Variants in DST observed in about 807,000 individuals in gnomAD.
The protein encoded by DST is dystonin, also known as bullous pemphigoid antigen.
In DST, 253 loss-of-function variants were observed where a neutral mutation model predicts 875.2. The observed-to-expected ratio is 0.29, with a 90% CI of 0.26 to 0.32. The LOEUF is 0.32. DST is among the 10% of genes least tolerant of loss of function. The pLI, the probability that DST is intolerant of heterozygous loss-of-function variation, is 1.00. For missense variants in DST, 8,287 were observed against 9,111.6 expected, an observed-to-expected ratio of 0.91 and a Z score of 3.68; for synonymous variants, 3,124 against 3,197.1, an observed-to-expected ratio of 0.98 and a Z score of 0.77.
rs962169183 is a variant in DST at position 56,459,215 on chromosome 6, G to A, written c.23247C>T (p.Gly7749=). The stretch of plus-strand genomic sequence containing the variant: ...TGCCTCGGCGGCTGCTGGCCCTGCT[G>A]CCAGCTTTGCTTCCAGCTCGACTTC... The part of the protein sequence containing the change: ...RPGSRAGSKA[G]SRASSRRGSD... Residue 7749 remains glycine, a synonymous_variant, in exon 104 of 104, where the codon GGC becomes GGT. Transcript: ENST00000680361. 6 of 1,613,326 alleles carry A rather than the reference G, an allele frequency of 3.7e-6. No individual in the cohort carries two copies. The Middle Eastern group carries it at 4.9e-4, about 133-fold the overall frequency.
In DST at chr6:56,460,195, G is replaced by A; in HGVS notation, c.23130C>T (p.Phe7710=). Residue 7710 remains phenylalanine, a synonymous_variant, in exon 103 of 104, where the codon TTC becomes TTT. Coordinates refer to ENST00000680361, the MANE Select transcript of DST (RefSeq NM_001374736.1). ...RLPGYLSGKG[F]HSGEDSGLIT... is the part of the protein sequence containing the mutation. The stretch of plus-strand genomic sequence containing the variant: ...TCAAGCCACTGTCCTCCCCAGAGTG[G>A]AAGCCTTTCCCTGATAAATATCCTG... 1 of 1,613,970 alleles carries A rather than the reference G, an allele frequency of 6.2e-7. No homozygotes were observed. Among genetic ancestry groups the A allele is most frequent in the South Asian group, 1.1e-5 (1 of 91,068 alleles).
intron 36 of DST, chr6:56,616,060 A>C: frequency 6.2e-7 from 1 of 1,614,140 alleles, no homozygotes. Flanking sequence ...GATCAACCAA[A>C]TTTCTACGGG....
At chr6:56,762,618 T>A (rs962046569) in intron 4 of DST, among the ~76,000 whole-genome samples, 1 of 152,198 alleles carries the variant, frequency 6.6e-6, no homozygotes, top group South Asian at 2.1e-4. Flanking sequence ...TCTTTCACTA[T>A]CACAGTTTCA....
At chr6:56,679,247 A>G (rs2099145405) in intron 9 of DST, among the ~76,000 whole-genome samples, 1 of 151,596 alleles carries the variant, frequency 6.6e-6, no homozygotes, top group Admixed American at 6.6e-5. Flanking sequence ...CTCTGCAACC[A>G]CTCCACCACC....
chr6:56,531,734 A>G (rs1471598623), intron 64 of DST, among the ~76,000 whole-genome samples: 4 of 152,172 alleles, frequency 2.6e-5, no homozygotes, highest in Non-Finnish European at 5.9e-5. Context: ...AGATACTGAA[A>G]TATGGGTTGG....
Position 56,583,343 on chromosome 6 carries a change from C to A in DST, c.12904-4406G>T, listed in dbSNP as rs1339128212. ...GTTTTGATTTGCATTTCTCTGATGG[C>A]CAGTGATGATGAGCGTTTTTTCATG... On this transcript the variant is annotated intron_variant, in intron 49 of 103. Coordinates refer to ENST00000680361, the MANE Select transcript of DST (RefSeq NM_001374736.1). Among the ~76,000 whole-genome samples the A allele has an allele frequency of 2.6e-5, 4 of 152,278 alleles. No individual in the cohort carries two copies. In the East Asian group the frequency reaches 7.7e-4, roughly 29 times the overall value.
At chr6:56,538,505 G>A (rs2097059410) in intron 61 of DST, among the ~76,000 whole-genome samples, 1 of 151,998 alleles carries the variant, frequency 6.6e-6, no homozygotes, top group African/African-American at 2.4e-5. Context: ...AGCACTTCAG[G>A]AAAAAAATTG....
chr6:56,704,901 G>A (rs1427519603), intron 5 of DST, among the ~76,000 whole-genome samples: 2 of 152,182 alleles, frequency 1.3e-5, no homozygotes, highest in Admixed American at 6.5e-5. Context: ...TTTGAAATCC[G>A]TATGTGTCAG....
intron 4 of DST, among the ~76,000 whole-genome samples, chr6:56,750,457 A>T (rs1201541971): frequency 6.6e-5 from 10 of 152,188 alleles, no homozygotes; most frequent in Non-Finnish European, 1.3e-4. Flanking sequence ...CTCCTTACAG[A>T]CATTTTAAAA....
Position 56,608,087 on chromosome 6 carries a change from C to T in DST, c.6541G>A (p.Asp2181Asn), listed in dbSNP as rs779294840. Residue 2181 changes from aspartate to asparagine, a missense_variant, in exon 40 of 104, where the codon GAT (aspartate) becomes AAT (asparagine). Transcript: ENST00000680361. Reference protein sequence around the residue: ...STVHDYRQEEDVFDGEEPVTT... With the variant: ...STVHDYRQEENVFDGEEPVTT... ...ACAGGTTCTTCTCCATCAAAAACAT[C>T]CTCTTCTTGTCTGTAATCATGAACT... is the stretch of plus-strand genomic sequence containing the variant. 1.2e-6 allele frequency: 2 copies of T among 1,613,646 alleles called. No individual in the cohort carries two copies. Among genetic ancestry groups the T allele is most frequent in the Non-Finnish European group, 1.7e-6 (2 of 1,179,752 alleles).
At chr6:56,654,182 T>C (rs1285467960) in intron 10 of DST, among the ~76,000 whole-genome samples, 1 of 152,016 alleles carries the variant, frequency 6.6e-6, no homozygotes, top group East Asian at 1.9e-4. Flanking sequence ...AGTCTTTTTA[T>C]GGAAAAAAAG....
At chr6:56,572,341 G>T in intron 52 of DST, 75 bp from the exon 53 acceptor site, 3 of 1,041,106 alleles carry the variant, frequency 2.9e-6, no homozygotes, top group Non-Finnish European at 4.0e-6. Context: ...AGAGGTCTGT[G>T]CGGGATCAGA....
rs377531111 is a variant in DST at position 56,473,837 on chromosome 6, T to C, written c.21994+36A>G. On this transcript the variant is annotated intron_variant, in intron 93 of 103. Coordinates refer to ENST00000680361, the MANE Select transcript of DST (RefSeq NM_001374736.1). ...AAATAAAAGAAAATTAGCTCCCTTATTTATTGACATTTTAAAGAAATTGAT... is the reference window on the plus strand; with the variant it reads ...AAATAAAAGAAAATTAGCTCCCTTACTTATTGACATTTTAAAGAAATTGAT... 52 of 1,564,632 alleles carry C rather than the reference T, an allele frequency of 3.3e-5. No homozygotes were observed. In the African/African-American group the frequency reaches 6.9e-4, roughly 21 times the overall value.
At chr6:56,477,550 G>T (rs1266919944) in intron 90 of DST, 62 bp from the exon 91 acceptor site, 1 of 1,595,474 alleles carries the variant, frequency 6.3e-7, no homozygotes, top group Non-Finnish European at 8.6e-7. Context: ...AACTCTGGTG[G>T]CATTTGTTTG....
chr6:56,827,727 A>G lies in DST; in HGVS notation c.625+23670T>C, dbSNP rs17831207. On this transcript the variant is annotated intron_variant, in intron 4 of 103. Coordinates refer to ENST00000680361, the MANE Select transcript of DST (RefSeq NM_001374736.1). Reference sequence around the variant, plus strand: ...TTTACCTGCTGTTAGCATAGAGGGAACTGAGGACACCAGGACAGCCAGAAG... The same window carrying G: ...TTTACCTGCTGTTAGCATAGAGGGAGCTGAGGACACCAGGACAGCCAGAAG... Among the ~76,000 whole-genome samples the G allele has an allele frequency of 8.3e-3, 1,267 of 152,220 alleles. 26 individuals are homozygous for G. Among genetic ancestry groups the G allele is most frequent in the East Asian group, 0.022 (112 of 5,168 alleles).
intron 10 of DST, among the ~76,000 whole-genome samples, chr6:56,654,843 T>C (rs765850894): frequency 2.0e-5 from 3 of 152,022 alleles, no homozygotes; most frequent in Non-Finnish European, 2.9e-5. Context: ...TGCAGGAACA[T>C]ATGACTTCTA....
intron 4 of DST, among the ~76,000 whole-genome samples, chr6:56,839,601 G>A (rs1328629058): frequency 2.0e-5 from 3 of 152,112 alleles, no homozygotes; most frequent in Non-Finnish European, 4.4e-5. Flanking sequence ...ATTACATGCT[G>A]CAGAGAAATT....
At chr6:56,635,782 C>T in intron 23 of DST, 68 bp from the exon 24 acceptor site, 1 of 1,554,714 alleles carries the variant, frequency 6.4e-7, no homozygotes, top group Middle Eastern at 1.7e-4. Context: ...TTGTCACACT[C>T]CAATACCAAG....
At chr6:56,875,201 G>A (rs879390508) in intron 3 of DST, among the ~76,000 whole-genome samples, 7 of 151,952 alleles carry the variant, frequency 4.6e-5, no homozygotes, top group Non-Finnish European at 8.8e-5. Context: ...AGCCAGGATG[G>A]TCTCGATCTC....
Sources: allele counts gnomAD v4.1 joint callset (sites outside exome capture counted in the v4.1 genomes callset), GRCh38; gene constraint gnomAD v4.1.1; transcripts MANE v1.5; gene names NCBI Gene and HGNC (gene_info 2026-07-23, HGNC 2026-07-21).